Variants in IQGAP2 observed in about 807,000 individuals in gnomAD.
IQGAP2 encodes the protein IQ motif containing GTPase activating protein 2, also known as ras GTPase-activating-like protein IQGAP2.
In IQGAP2, 173 loss-of-function variants were observed where a neutral mutation model predicts 201.3. That is an observed-to-expected ratio of 0.86 (90% CI 0.76 to 0.98). IQGAP2 has a LOEUF of 0.98. Ranked by LOEUF, IQGAP2 falls within the 50% of genes least tolerant of loss-of-function variation. The probability of loss-of-function intolerance (pLI) is 0.00; values close to 1 mark genes in which losing one functional copy is unlikely to be tolerated. For missense variants in IQGAP2, 1,687 were observed against 1,864.8 expected, an observed-to-expected ratio of 0.90 and a Z score of 1.76; for synonymous variants, 675 against 673.9, an observed-to-expected ratio of 1.00 and a Z score of -0.03.
rs144136667 is a variant in IQGAP2, at chr5:76,700,945, A to T, written c.4368-131A>T. 2.4e-3 allele frequency: 2,008 copies of T among 833,506 alleles called. 19 individuals carry two copies. In the African/African-American group the frequency reaches 0.026, roughly 11 times the overall value. The allele number at this position is 833,506 out of a possible 1,614,324, so 51.6% of individuals were successfully genotyped here. On this transcript the variant is annotated intron_variant, in intron 33 of 35. Transcript: ENST00000274364. ...ACAAAATTACCTACTATCACAAAAT[A>T]AAAAAGTGTATATTCAGCGCTCTGA...
Position 76,693,348 on chromosome 5 carries a change from T to C in IQGAP2, c.3906-7T>C, listed in dbSNP as rs766534750. On this transcript the variant is annotated splice_polypyrimidine_tract_variant and splice_region_variant and intron_variant, in intron 30 of 35. Transcript: ENST00000274364. ...TGAAAGTCTGTCTCTTTCTCTGGTT[T>C]GTTAAGGACCAAGAAGCTGATAATT... 9.3e-6 allele frequency: 15 copies of C among 1,605,720 alleles called. No homozygotes were observed. Among genetic ancestry groups the C allele is most frequent in the Non-Finnish European group, 1.3e-5 (15 of 1,175,258 alleles).
Position 76,673,460 on chromosome 5 carries a change from A to G in IQGAP2, c.3080A>G (p.Tyr1027Cys). ...TQTGEASKLPYDVTTEQALTY... is the reference protein window; with the variant it reads ...TQTGEASKLPCDVTTEQALTY... Reference sequence around the variant, plus strand: ...CTTTGTGTTTTCAGCAAGTTGCCTTATGATGTGACCACAGAACAAGCTCTA... The same window carrying G: ...CTTTGTGTTTTCAGCAAGTTGCCTTGTGATGTGACCACAGAACAAGCTCTA... Residue 1027 changes from tyrosine (Y) to cysteine (C), a missense_variant, in exon 25 of 36, where the codon TAT becomes TGT. Physicochemically the swap from Tyr to Cys is radical, Grantham distance 194 (BLOSUM62 -2). Coordinates refer to ENST00000274364, the MANE Select transcript of IQGAP2 (RefSeq NM_006633.5). The G allele has an allele frequency of 6.2e-7, 1 of 1,613,524 alleles. No homozygotes were observed.
At chr5:76,452,800 G>C (rs889655568) in intron 1 of IQGAP2, among the ~76,000 whole-genome samples, 2 of 151,710 alleles carry the variant, frequency 1.3e-5, no homozygotes, top group Admixed American at 6.6e-5. Flanking sequence ...TCCCAATTCT[G>C]CCATTTACCT....
In IQGAP2 at chr5:76,581,586, T is replaced by A. The variant is rs115053642; in HGVS notation, c.458+5817T>A. On this transcript the variant is annotated intron_variant, in intron 5 of 35. Transcript: ENST00000274364. ...GTTATGCCTTTCTGTCTTCCTAAAT[T>A]CTGAGCTCTTAAGAGACTATGAACC... Among the ~76,000 whole-genome samples, 783 of 152,318 alleles carry A rather than the reference T, an allele frequency of 5.1e-3. 9 individuals are homozygous for A. Among genetic ancestry groups the A allele is most frequent in the African/African-American group, 0.018 (745 of 41,568 alleles).
At chr5:76,598,568 C>A (rs186169544) in intron 10 of IQGAP2, among the ~76,000 whole-genome samples, 132 of 152,214 alleles carry the variant, frequency 8.7e-4, no homozygotes, top group Non-Finnish European at 1.7e-3. Flanking sequence ...TTTAACCCAG[C>A]GTAGGGATAG....
intron 1 of IQGAP2, among the ~76,000 whole-genome samples, chr5:76,418,798 C>G (rs540389064): frequency 2.9e-4 from 44 of 152,206 alleles, no homozygotes; most frequent in East Asian, 2.7e-3. Context: ...AAGCTTATGG[C>G]TTATTCTCAG....
At chr5:76,541,438 G>T (rs1246429712) in intron 2 of IQGAP2, among the ~76,000 whole-genome samples, 1 of 152,114 alleles carries the variant, frequency 6.6e-6, no homozygotes, top group Non-Finnish European at 1.5e-5. Context: ...ATCTGTTGCT[G>T]GGCACGTGAG....
chr5:76,551,035 C>T (rs1294733035), intron 2 of IQGAP2, among the ~76,000 whole-genome samples: 3 of 151,508 alleles, frequency 2.0e-5, no homozygotes, highest in Non-Finnish European at 4.4e-5. Context: ...CAGAGAGGCT[C>T]CTCACTTCCC....
chr5:76,674,612 G>T lies in IQGAP2; in HGVS notation c.3430G>T (p.Val1144Phe), dbSNP rs1444120361. ...QRRNLGSVAK[V>F]LQHAASNKLF... The stretch of plus-strand genomic sequence containing the variant: ...GAGAAACTTAGGATCAGTGGCCAAG[G>T]TTCTTCAGCACGCAGCCTCCAACAA... The change falls in exon 27 of 36, where the codon GTT (valine) becomes TTT (phenylalanine). Residue 1144 changes from valine (V) to phenylalanine (F), a missense_variant. Val to Phe is a conservative substitution (Grantham distance 50, BLOSUM62 -1). Coordinates refer to ENST00000274364, the MANE Select transcript of IQGAP2 (RefSeq NM_006633.5). 2 of 1,614,092 alleles carry T rather than the reference G, an allele frequency of 1.2e-6. No individual in the cohort carries two copies. Among genetic ancestry groups the T allele is most frequent in the Middle Eastern group, 3.3e-4 (2 of 6,060 alleles).
intron 5 of IQGAP2, among the ~76,000 whole-genome samples, chr5:76,581,689 A>G (rs2150292525): frequency 6.6e-6 from 1 of 152,326 alleles, no homozygotes; most frequent in South Asian, 2.1e-4. Context: ...TTAACTCTTC[A>G]GGAGGTTTAA....
intron 2 of IQGAP2, among the ~76,000 whole-genome samples, chr5:76,551,220 G>A (rs560566269): frequency 6.6e-6 from 1 of 151,664 alleles, no homozygotes; most frequent in Admixed American, 6.6e-5. Flanking sequence ...GTCGGGGCCG[G>A]GCAGAGGCAA....
intron 1 of IQGAP2, among the ~76,000 whole-genome samples, chr5:76,441,131 G>A (rs1267599728): frequency 6.6e-6 from 1 of 151,998 alleles, no homozygotes; most frequent in Non-Finnish European, 1.5e-5. Context: ...TCTGTGTCTT[G>A]GTTTCCTCAT....
chr5:76,445,622 G>A (rs962387297), intron 1 of IQGAP2, among the ~76,000 whole-genome samples: 1 of 151,998 alleles, frequency 6.6e-6, no homozygotes, highest in Non-Finnish European at 1.5e-5. Context: ...CAGCCACCAT[G>A]CCTGGCTACT....
chr5:76,496,775 T>TTC (rs1387128981), intron 2 of IQGAP2, among the ~76,000 whole-genome samples: 1 of 119,470 alleles, frequency 8.4e-6, no homozygotes, highest in Admixed American at 8.1e-5. Flanking sequence ...CTTTCTTTCT[T>TTC]TCTTTCTTTC....
chr5:76,427,337 T>TTTA (rs1752067398), intron 1 of IQGAP2, among the ~76,000 whole-genome samples: 1 of 152,148 alleles, frequency 6.6e-6, no homozygotes, highest in Non-Finnish European at 1.5e-5. Flanking sequence ...ATAATACCAT[T>TTTA]TACTGGACCA....
chr5:76,438,741 C>T (rs895377988), intron 1 of IQGAP2, among the ~76,000 whole-genome samples: 1 of 152,080 alleles, frequency 6.6e-6, no homozygotes, highest in African/African-American at 2.4e-5. Flanking sequence ...CCGTGCCTGG[C>T]CTTCATTTTC....
chr5:76,544,435 G>A (rs935679161), intron 2 of IQGAP2, among the ~76,000 whole-genome samples: 2 of 152,070 alleles, frequency 1.3e-5, no homozygotes, highest in African/African-American at 4.8e-5. Context: ...TGGGTGGCAG[G>A]GCTCTAATTG....
chr5:76,496,767 T>TTTTCTTTGTTTC lies in IQGAP2; in HGVS notation c.146+35099_146+35100insTTCTTTGTTTCT, dbSNP rs1561416631. ...TTTCTTTCTTTCTTTCTTTCTTTCT[T>TTTTCTTTGTTTC]TCTTTCTTTCTTTCTTTCTTTCTTT... On this transcript the variant is annotated intron_variant, in intron 2 of 35. Transcript: ENST00000274364. Among the ~76,000 whole-genome samples the TTTTCTTTGTTTC allele has an allele frequency of 4.8e-4, 58 of 121,082 alleles. 3 individuals are homozygous for TTTTCTTTGTTTC. The highest frequency in any genetic ancestry group is 2.3e-3 in the African/African-American group (57 of 25,206). 79.4% of individuals were successfully genotyped at this position (121,082 alleles called of 152,430 possible).
At chr5:76,601,503 T>C (rs1429651844) in intron 11 of IQGAP2, among the ~76,000 whole-genome samples, 2 of 152,220 alleles carry the variant, frequency 1.3e-5, no homozygotes, top group East Asian at 3.8e-4. Context: ...GTTTCTGAAG[T>C]GTGCTACCAG....
Sources: allele counts gnomAD v4.1 joint callset (sites outside exome capture counted in the v4.1 genomes callset), GRCh38; gene constraint gnomAD v4.1.1; transcripts MANE v1.5; gene names NCBI Gene and HGNC (gene_info 2026-07-23, HGNC 2026-07-21).